The following NAV2 variants were observed in gnomAD, a reference collection of about 807,000 sequenced individuals.
NAV2 encodes neuron navigator 2.
A neutral mutation model predicts 223.2 loss-of-function variants in NAV2; 54 were observed. The observed-to-expected ratio is 0.24, with a 90% CI of 0.19 to 0.30. The LOEUF (loss-of-function observed/expected upper bound fraction) is 0.30, where lower values mean the gene tolerates loss of function less well. Ranked by LOEUF, NAV2 falls within the 10% of genes least tolerant of loss-of-function variation. The probability of loss-of-function intolerance (pLI) is 1.00; values close to 1 mark genes in which losing one functional copy is unlikely to be tolerated. For synonymous variants in NAV2, 1,279 were observed against 1,239.3 expected, an observed-to-expected ratio of 1.03 and a Z score of -0.67; for missense variants, 2,806 against 3,147.5, an observed-to-expected ratio of 0.89 and a Z score of 2.60.
intron 1 of NAV2, among the ~76,000 whole-genome samples, chr11:19,571,721 A>G (rs1017789431): frequency 6.6e-6 from 1 of 152,208 alleles, no homozygotes; most frequent in Non-Finnish European, 1.5e-5. Flanking sequence ...AAGAAAAAAA[A>G]AAAAGAAAAG....
rs535615636 is a variant in NAV2, at chr11:19,829,048, A to G, written c.268-3436A>G. On this transcript the variant is annotated intron_variant, in intron 1 of 37. Coordinates refer to ENST00000349880, the MANE Select transcript of NAV2 (RefSeq NM_145117.5). Reference sequence around the variant, plus strand: ...CTGTGTTGTGCAAACTCACAAAGAAACCTAGTTGTAGAGACAGTATGTCTA... The same window carrying G: ...CTGTGTTGTGCAAACTCACAAAGAAGCCTAGTTGTAGAGACAGTATGTCTA... 1.1e-4 allele frequency among the ~76,000 whole-genome samples: 16 copies of G among 152,316 alleles called. No homozygotes were observed. In the South Asian group the frequency reaches 3.1e-3, roughly 30 times the overall value.
chr11:19,566,609 G>A (rs79890810), intron 1 of NAV2, among the ~76,000 whole-genome samples: 2,666 of 152,324 alleles, frequency 0.018, 79 homozygotes, highest in South Asian at 0.082. Flanking sequence ...GCTGGTTGGA[G>A]CTGCTTGTGG....
intron 3 of NAV2, among the ~76,000 whole-genome samples, chr11:19,848,916 C>T (rs961959580): frequency 1.3e-5 from 2 of 152,156 alleles, no homozygotes; most frequent in South Asian, 4.1e-4. Flanking sequence ...TGGTCAGTCT[C>T]GCTCAGTCCC....
At chr11:19,503,612 T>C (rs1311677172) in intron 1 of NAV2, 1 of 152,226 alleles carries the variant, frequency 6.6e-6, no homozygotes, top group East Asian at 1.9e-4. Context: ...TTCCTCCATG[T>C]TTTTCATGGC....
intron 1 of NAV2, among the ~76,000 whole-genome samples, chr11:19,782,741 C>G (rs1391162873): frequency 6.6e-6 from 1 of 152,054 alleles, no homozygotes; most frequent in African/African-American, 2.4e-5. Context: ...AATGCTGTTT[C>G]TAATATAAGA....
At chr11:19,719,674 C>G (rs1347711189) in intron 1 of NAV2, among the ~76,000 whole-genome samples, 1 of 152,192 alleles carries the variant, frequency 6.6e-6, no homozygotes, top group Non-Finnish European at 1.5e-5. Context: ...CTCTGCCTCC[C>G]AAGTACGCAG....
At chr11:20,020,511 T>TA (rs2054407230) in intron 11 of NAV2, among the ~76,000 whole-genome samples, 1 of 152,204 alleles carries the variant, frequency 6.6e-6, no homozygotes, top group Non-Finnish European at 1.5e-5. Context: ...TACTAATTAT[T>TA]ATCTTTCAAA....
chr11:19,867,727 T>C (rs566703360), intron 3 of NAV2, among the ~76,000 whole-genome samples: 273 of 151,892 alleles, frequency 1.8e-3, no homozygotes, highest in African/African-American at 6.3e-3. Context: ...TTGAGTAGAG[T>C]GTATATTATG....
At chr11:20,015,892 C>T (rs1261894019) in intron 11 of NAV2, among the ~76,000 whole-genome samples, 2 of 152,158 alleles carry the variant, frequency 1.3e-5, no homozygotes, top group African/African-American at 4.8e-5. Flanking sequence ...GTCTTAGTGT[C>T]ATCTGTTGGC....
intron 1 of NAV2, among the ~76,000 whole-genome samples, chr11:19,741,370 C>A (rs575593985): frequency 5.3e-4 from 80 of 151,926 alleles, no homozygotes; most frequent in African/African-American, 1.8e-3. Context: ...TTTATTTATC[C>A]CACAGAACTT....
chr11:19,678,617 G>C (rs189544195), intron 1 of NAV2, among the ~76,000 whole-genome samples: 57 of 152,334 alleles, frequency 3.7e-4, no homozygotes, highest in African/African-American at 1.3e-3. Context: ...CCCGCAGATG[G>C]GAAGGCAGCA....
At chr11:19,558,694 A>G (rs1043014315) in intron 1 of NAV2, among the ~76,000 whole-genome samples, 1 of 152,182 alleles carries the variant, frequency 6.6e-6, no homozygotes, top group Non-Finnish European at 1.5e-5. Flanking sequence ...TGAACCTGGC[A>G]ACATTCACTT....
chr11:19,991,808 C>T (rs936077347), intron 11 of NAV2, among the ~76,000 whole-genome samples: 7 of 152,098 alleles, frequency 4.6e-5, no homozygotes, highest in Admixed American at 1.3e-4. Flanking sequence ...TGACTTCTCT[C>T]GTATTATTTT....
chr11:19,916,726 G>A (rs137859432), intron 6 of NAV2, among the ~76,000 whole-genome samples: 7 of 152,222 alleles, frequency 4.6e-5, no homozygotes, highest in Middle Eastern at 3.2e-3. Context: ...TTTGGACTTC[G>A]AGGGCCATGG....
At chr11:19,485,468 C>T (rs1364914119) in intron 1 of NAV2, among the ~76,000 whole-genome samples, 1 of 152,158 alleles carries the variant, frequency 6.6e-6, no homozygotes, top group Non-Finnish European at 1.5e-5. Flanking sequence ...CAGGGCTTGA[C>T]TGAGGGACAT....
chr11:19,995,137 C>CCCCT (rs1237442397), intron 11 of NAV2, among the ~76,000 whole-genome samples: 1 of 152,226 alleles, frequency 6.6e-6, no homozygotes, highest in Non-Finnish European at 1.5e-5. Flanking sequence ...CAAGATGCTT[C>CCCCT]CCCTCTCTGC....
chr11:19,846,866 G>A (rs1029595091), intron 3 of NAV2, among the ~76,000 whole-genome samples: 2 of 152,164 alleles, frequency 1.3e-5, no homozygotes, highest in African/African-American at 4.8e-5. Flanking sequence ...CCCAGCCTTG[G>A]CTTGTTTTTA....
At chr11:19,565,637 A>C (rs1257870533) in intron 1 of NAV2, among the ~76,000 whole-genome samples, 7 of 152,226 alleles carry the variant, frequency 4.6e-5, no homozygotes, top group African/African-American at 1.7e-4. Flanking sequence ...TATGGTGATA[A>C]ATTGACAGCC....
chr11:20,045,033 C>A lies in NAV2; in HGVS notation c.3265C>A (p.Arg1089Ser). The A allele has an allele frequency of 1.9e-6, 3 of 1,614,096 alleles. No individual in the cohort carries two copies. Among genetic ancestry groups the A allele is most frequent in the Non-Finnish European group, 2.5e-6 (3 of 1,180,024 alleles). The change falls in exon 14 of 38, where the codon CGC becomes AGC. Residue 1089 changes from arginine (R) to serine (S), a missense_variant. Around this residue, in one of 4 missense-constraint regions of NAV2, gnomAD observed 742 missense variants for 777.9 expected, o/e 0.95. Coordinates refer to ENST00000349880, the MANE Select transcript of NAV2 (RefSeq NM_145117.5). ...TTCTCCTAAAGCCTCCCAGGTGAAGCGCTCCCCATCAGATGCAGGCCGGAG... is the reference window on the plus strand; with the variant it reads ...TTCTCCTAAAGCCTCCCAGGTGAAGAGCTCCCCATCAGATGCAGGCCGGAG... ...RLSPKASQVK[R>S]SPSDAGRSSG...
Sources: gnomAD v4.1 joint callset for allele counts (sites outside exome capture counted in the v4.1 genomes callset) on GRCh38, gnomAD v4.1.1 for gene constraint, gnomAD v4.1.1 regional missense constraint, MANE v1.5 for transcripts, NCBI Gene and HGNC (gene_info 2026-07-23, HGNC 2026-07-21) for gene names.